KCNMA1: variants seen among roughly 807,000 people sequenced by gnomAD.
The protein encoded by KCNMA1 is potassium calcium-activated channel subfamily M alpha 1.
KCNMA1 carries 29 observed loss-of-function variants against 140.0 expected under a neutral mutation model. That is an observed-to-expected ratio of 0.21 (90% CI 0.15 to 0.28). The LOEUF is 0.28. Ranked by LOEUF, KCNMA1 falls within the 10% of genes least tolerant of loss-of-function variation. The pLI is 1.00. For synonymous variants in KCNMA1, 612 were observed against 611.9 expected, an observed-to-expected ratio of 1.00 and a Z score of 0.00; for missense variants, 880 against 1,602.2, an observed-to-expected ratio of 0.55 and a Z score of 7.70.
At chr10:76,920,012 GTGTGTGTGTATATATATA>G (rs2054738515) in intron 23 of KCNMA1, among the ~76,000 whole-genome samples, 3 of 51,524 alleles carry the variant, frequency 5.8e-5, no homozygotes, top group African/African-American at 2.8e-4. Flanking sequence ...GTGTGTGTGT[GTGTGTGTGTATATATATA>G]TATATATATA....
intron 2 of KCNMA1, among the ~76,000 whole-genome samples, chr10:77,311,847 T>C (rs2079398984): frequency 6.6e-6 from 1 of 152,214 alleles, no homozygotes. Context: ...TCCCTCACAA[T>C]GGTCTGCTGT....
At chr10:77,114,763 A>G (rs780263457) in intron 6 of KCNMA1, among the ~76,000 whole-genome samples, 29 of 152,140 alleles carry the variant, frequency 1.9e-4, no homozygotes, top group Non-Finnish European at 5.9e-5. Context: ...TGTCTTTTGT[A>G]AAGTTTTAGG....
At chr10:76,945,344 A>G (rs114362932) in intron 22 of KCNMA1, among the ~76,000 whole-genome samples, 1,843 of 152,260 alleles carry the variant, frequency 0.012, 34 homozygotes, top group African/African-American at 0.04. Context: ...TCTGGCTTTC[A>G]GAATGTAACA....
intron 2 of KCNMA1, among the ~76,000 whole-genome samples, chr10:77,396,171 C>T (rs2096047803): frequency 6.6e-6 from 1 of 152,190 alleles, no homozygotes; most frequent in African/African-American, 2.4e-5. Context: ...GCAGGACATA[C>T]CTATTCACTA....
chr10:77,196,042 ACCTG>A (rs2040358834), intron 3 of KCNMA1, among the ~76,000 whole-genome samples: 1 of 152,176 alleles, frequency 6.6e-6, no homozygotes, highest in South Asian at 2.1e-4. Flanking sequence ...ATGATGAATT[ACCTG>A]CTCAGTGGGG....
intron 19 of KCNMA1, among the ~76,000 whole-genome samples, chr10:76,991,136 C>T (rs1044015308): frequency 6.6e-6 from 1 of 152,226 alleles, no homozygotes; most frequent in Non-Finnish European, 1.5e-5. Context: ...CTAGCTACAA[C>T]AGACTCCTTT....
chr10:76,949,774 C>T (rs1439838760), intron 21 of KCNMA1, among the ~76,000 whole-genome samples: 5 of 152,158 alleles, frequency 3.3e-5, no homozygotes, highest in African/African-American at 1.2e-4. Context: ...CCTTTTCTGG[C>T]TTGCTTGCTG....
intron 2 of KCNMA1, among the ~76,000 whole-genome samples, chr10:77,354,009 G>A (rs2093221900): frequency 6.8e-6 from 1 of 146,450 alleles, no homozygotes; most frequent in Admixed American, 7.0e-5. Flanking sequence ...TGGGGATGGA[G>A]TCTTGTTCTG....
intron 2 of KCNMA1, among the ~76,000 whole-genome samples, chr10:77,338,683 T>C (rs1268154255): frequency 2.6e-5 from 4 of 152,160 alleles, no homozygotes; most frequent in Non-Finnish European, 5.9e-5. Context: ...ATCAGAATAG[T>C]GCTAGCTTGT....
At chr10:76,977,449 G>C (rs2077982383) in intron 19 of KCNMA1, 1 of 660,100 alleles carries the variant, frequency 1.5e-6, no homozygotes. Flanking sequence ...TGGTTTACCA[G>C]CCATCCCTGG....
intron 2 of KCNMA1, among the ~76,000 whole-genome samples, chr10:77,356,145 C>T (rs939018656): frequency 2.0e-5 from 3 of 152,156 alleles, no homozygotes; most frequent in African/African-American, 7.2e-5. Flanking sequence ...TCTTATTCAT[C>T]CCTAAATGCA....
chr10:77,341,499 A>G (rs528164625), intron 2 of KCNMA1, among the ~76,000 whole-genome samples: 1 of 152,170 alleles, frequency 6.6e-6, no homozygotes, highest in East Asian at 1.9e-4. Flanking sequence ...TACAGTGGAG[A>G]AACACAGCAA....
At chr10:77,435,794 CA>C (rs1298480961) in intron 1 of KCNMA1, among the ~76,000 whole-genome samples, 4 of 152,322 alleles carry the variant, frequency 2.6e-5, no homozygotes, top group Non-Finnish European at 5.9e-5. Context: ...CTCCCAGATT[CA>C]TTATATCCTA....
At chr10:77,637,026 A>G in intron 1 of KCNMA1, 1 of 1,411,950 alleles carries the variant, frequency 7.1e-7, no homozygotes, top group Non-Finnish European at 9.2e-7. Flanking sequence ...ACAAGAGGAC[A>G]GGATTGAGCG....
chr10:77,539,675 G>A (rs2059732287), intron 1 of KCNMA1, among the ~76,000 whole-genome samples: 1 of 152,174 alleles, frequency 6.6e-6, no homozygotes, highest in Admixed American at 6.5e-5. Flanking sequence ...TTTCTGTTCT[G>A]TGCTCAGTCT....
chr10:77,122,961 G>A (rs375565297), intron 5 of KCNMA1, among the ~76,000 whole-genome samples: 3 of 151,766 alleles, frequency 2.0e-5, no homozygotes, highest in African/African-American at 4.8e-5. Context: ...GGAGGATCAC[G>A]AGGTCAGGAG....
intron 2 of KCNMA1, among the ~76,000 whole-genome samples, chr10:77,331,712 T>C (rs899972264): frequency 4.1e-4 from 62 of 151,512 alleles, no homozygotes; most frequent in African/African-American, 1.4e-3. Context: ...CTGCTTGGGA[T>C]GCTGAGATGT....
chr10:77,268,679 C>T (rs764351774), intron 2 of KCNMA1, among the ~76,000 whole-genome samples: 1 of 152,136 alleles, frequency 6.6e-6, no homozygotes. Context: ...CCATACTGAA[C>T]TCTAACTCAC....
chr10:77,069,511 A>T (rs935768830), intron 14 of KCNMA1, among the ~76,000 whole-genome samples: 1 of 152,190 alleles, frequency 6.6e-6, no homozygotes, highest in Non-Finnish European at 1.5e-5. Context: ...GTTTAAATGG[A>T]GTAAATTAAG....
Sources: allele counts gnomAD v4.1 joint callset (sites outside exome capture counted in the v4.1 genomes callset), GRCh38; gene constraint gnomAD v4.1.1; transcripts MANE v1.5; gene names NCBI Gene and HGNC (gene_info 2026-07-23, HGNC 2026-07-21).